Variants in PPM1L observed in about 807,000 individuals in gnomAD.
PPM1L encodes protein phosphatase, Mg2+/Mn2+ dependent 1L, also known as protein phosphatase 1L.
Under a neutral mutation model 31.4 loss-of-function variants are expected in PPM1L, and 13 were observed. The observed-to-expected ratio is 0.41, with a 90% CI of 0.27 to 0.66. The LOEUF is 0.66. Among genes scored for constraint, PPM1L ranks in the 30% least tolerant of loss-of-function variants. PPM1L has a pLI of 0.29. For missense variants in PPM1L, 326 were observed against 453.7 expected (o/e 0.72, Z 2.56); for synonymous variants, 184 against 175.4 (o/e 1.05, Z -0.39).
intron 2 of PPM1L, among the ~76,000 whole-genome samples, chr3:161,017,818 GA>G (rs1718128010): frequency 6.6e-6 from 1 of 152,036 alleles, no homozygotes; most frequent in African/African-American, 2.4e-5. Flanking sequence ...GTTGAGTAGG[GA>G]AATACAGGGG....
intron 2 of PPM1L, among the ~76,000 whole-genome samples, chr3:161,026,201 G>C (rs1009389737): frequency 3.3e-5 from 5 of 152,196 alleles, no homozygotes; most frequent in Non-Finnish European, 7.3e-5. Flanking sequence ...GTAAGAGTTT[G>C]TACTGCCCTT....
chr3:160,999,425 T>C (rs960711621), intron 2 of PPM1L, among the ~76,000 whole-genome samples: 1 of 152,170 alleles, frequency 6.6e-6, no homozygotes, highest in African/African-American at 2.4e-5. Context: ...ATTCAGATGA[T>C]TGTACCATAG....
At chr3:160,983,294 A>T (rs1318286264) in intron 2 of PPM1L, among the ~76,000 whole-genome samples, 1 of 152,206 alleles carries the variant, frequency 6.6e-6, no homozygotes, top group Non-Finnish European at 1.5e-5. Context: ...CTGTAATGAC[A>T]GTAACTTTAG....
At chr3:160,790,525 G>T (rs1712074093) in intron 1 of PPM1L, among the ~76,000 whole-genome samples, 1 of 152,012 alleles carries the variant, frequency 6.6e-6, no homozygotes, top group Non-Finnish European at 1.5e-5. Context: ...TTATACTGGG[G>T]GCTCTACTAA....
chr3:160,856,657 G>T (rs1002679236), intron 1 of PPM1L, among the ~76,000 whole-genome samples: 2 of 152,244 alleles, frequency 1.3e-5, no homozygotes, highest in East Asian at 1.9e-4. Context: ...ATACTTGGGG[G>T]TGGAGAGTGG....
intron 1 of PPM1L, among the ~76,000 whole-genome samples, chr3:160,764,725 C>G (rs1256665210): frequency 1.3e-5 from 2 of 152,304 alleles, no homozygotes; most frequent in African/African-American, 4.8e-5. Flanking sequence ...CCCTCGGCCT[C>G]CCAAAGTGCT....
chr3:160,941,341 A>G (rs1559895478), intron 1 of PPM1L, among the ~76,000 whole-genome samples: 1 of 152,134 alleles, frequency 6.6e-6, no homozygotes, highest in Admixed American at 6.5e-5. Context: ...ATGTGAGGAC[A>G]TGAGATTTAG....
intron 1 of PPM1L, among the ~76,000 whole-genome samples, chr3:160,786,931 TTG>T (rs1711952136): frequency 6.6e-6 from 1 of 152,136 alleles, no homozygotes; most frequent in South Asian, 2.1e-4. Flanking sequence ...CATGATTTTG[TTG>T]TGTTTATTTT....
intron 1 of PPM1L, among the ~76,000 whole-genome samples, chr3:160,808,383 C>CTCTGTGTGTGTGTGTGTG (rs1204425630): frequency 3.6e-5 from 4 of 110,310 alleles, no homozygotes; most frequent in African/African-American, 1.4e-4. Context: ...CAGGATTTTC[C>CTCTGTGTGTGTGTGTGTG]TGTGTGTGTG....
rs1379404804 is a variant in PPM1L at position 161,064,173 on chromosome 3, TTAAAG to T, written c.575-1225_575-1221del. 2.7e-5 allele frequency among the ~76,000 whole-genome samples: 4 copies of T among 150,320 alleles called. No individual in the cohort carries two copies. The East Asian group carries it at 7.8e-4, about 29-fold the overall frequency. On this transcript the variant is annotated intron_variant, in intron 2 of 3. Transcript: ENST00000498165. ...GCACATTCTGCACGTGTCCCAGAACTTAAAGTAAAATTAAAAAAAAAAAAAAAGAA... is the reference window on the plus strand; with the variant it reads ...GCACATTCTGCACGTGTCCCAGAACTTAAAATTAAAAAAAAAAAAAAAGAA...
intron 2 of PPM1L, among the ~76,000 whole-genome samples, chr3:160,962,600 A>G (rs1051082534): frequency 2.0e-5 from 3 of 151,624 alleles, no homozygotes; most frequent in Non-Finnish European, 4.4e-5. Flanking sequence ...CCTCTCAAAA[A>G]AATTGGAGAA....
chr3:161,033,309 T>C (rs1718636408), intron 2 of PPM1L, among the ~76,000 whole-genome samples: 5 of 152,096 alleles, frequency 3.3e-5, no homozygotes. Context: ...CAAGCTACCA[T>C]TGACTTTCTT....
At chr3:160,859,825 A>G (rs954872210) in intron 1 of PPM1L, among the ~76,000 whole-genome samples, 2 of 152,198 alleles carry the variant, frequency 1.3e-5, no homozygotes, top group African/African-American at 4.8e-5. Context: ...GCTGCCTGAT[A>G]AAAGTGTATT....
chr3:160,982,225 G>A (rs1418876160), intron 2 of PPM1L, among the ~76,000 whole-genome samples: 2 of 152,144 alleles, frequency 1.3e-5, no homozygotes, highest in African/African-American at 4.8e-5. Context: ...TGCCTTTGAT[G>A]TATCAGTTTT....
intron 1 of PPM1L, among the ~76,000 whole-genome samples, chr3:160,847,853 C>A (rs1714129482): frequency 6.6e-6 from 1 of 152,164 alleles, no homozygotes; most frequent in Non-Finnish European, 1.5e-5. Context: ...ATGCTTCCTG[C>A]CCAGACTATC....
At chr3:161,021,000 T>C (rs1189805000) in intron 2 of PPM1L, among the ~76,000 whole-genome samples, 1 of 152,000 alleles carries the variant, frequency 6.6e-6, no homozygotes, top group Admixed American at 6.5e-5. Flanking sequence ...ACTTTGGTGA[T>C]CTTTTTTAAG....
chr3:160,775,888 A>G (rs985228930), intron 1 of PPM1L, among the ~76,000 whole-genome samples: 2 of 152,238 alleles, frequency 1.3e-5, no homozygotes, highest in African/African-American at 2.4e-5. Context: ...TAAATGAACC[A>G]TATCAGCTGC....
chr3:160,783,539 G>A (rs1389990482), intron 1 of PPM1L, among the ~76,000 whole-genome samples: 4 of 150,524 alleles, frequency 2.7e-5, no homozygotes, highest in Non-Finnish European at 5.9e-5. Flanking sequence ...GATGGAGGTT[G>A]CAGTGAGCCG....
chr3:161,029,825 A>G (rs915821898), intron 2 of PPM1L, among the ~76,000 whole-genome samples: 11 of 152,156 alleles, frequency 7.2e-5, no homozygotes, highest in African/African-American at 2.7e-4. Flanking sequence ...AGAAAACAAA[A>G]GAGAGCAAGC....
Sources: gnomAD v4.1 joint callset for allele counts (sites outside exome capture counted in the v4.1 genomes callset) on GRCh38, gnomAD v4.1.1 for gene constraint, MANE v1.5 for transcripts, NCBI Gene and HGNC (gene_info 2026-07-23, HGNC 2026-07-21) for gene names.